The following TBC1D31 variants were observed in gnomAD, a reference collection of about 807,000 sequenced individuals.
The protein encoded by TBC1D31 is WD repeat domain 67.
In TBC1D31, 99 loss-of-function variants were observed where a neutral mutation model predicts 132.9. That is an observed-to-expected ratio of 0.74 (90% confidence interval 0.63 to 0.88). The LOEUF is 0.88. TBC1D31 is among the 40% of genes least tolerant of loss of function. The probability of loss-of-function intolerance (pLI) is 0.00; values close to 1 mark genes in which losing one functional copy is unlikely to be tolerated. For synonymous variants in TBC1D31, 385 were observed against 419.4 expected, an observed-to-expected ratio of 0.92 and a Z score of 1.00; for missense variants, 1,134 against 1,256.6, an observed-to-expected ratio of 0.90 and a Z score of 1.48.
At chr8:123,161,046 G>A in the TBC1D31 span, among the ~76,000 whole-genome samples, 30 of 152,262 alleles carry the variant, frequency 2.0e-4, no homozygotes, top group African/African-American at 6.7e-4. Context: ...AGGGAGTGGG[G>A]CCGCGCAGGG....
At chr8:123,109,208 C>A in intron 8 of TBC1D31, 109 bp from the exon 9 acceptor site, 1 of 727,008 alleles carries the variant, frequency 1.4e-6, no homozygotes, top group Non-Finnish European at 2.3e-6. Flanking sequence ...ATATGTCTTA[C>A]TATGTGTTGT....
At chr8:123,153,234 C>T (rs769885040), downstream of TBC1D31, among the ~76,000 whole-genome samples, 12 of 152,134 alleles carry the variant, frequency 7.9e-5, no homozygotes, top group Non-Finnish European at 1.6e-4. Context: ...GAATTGCCTG[C>T]TCACCGGAAA....
At chr8:123,091,762 G>A (rs892126338) in intron 4 of TBC1D31, among the ~76,000 whole-genome samples, 1 of 152,084 alleles carries the variant, frequency 6.6e-6, no homozygotes, top group South Asian at 2.1e-4. Context: ...GAAAATATTG[G>A]TTAATTTCCG....
At chr8:123,147,536 A>G (rs993999234) in intron 20 of TBC1D31, among the ~76,000 whole-genome samples, 7 of 152,214 alleles carry the variant, frequency 4.6e-5, no homozygotes, top group Non-Finnish European at 7.3e-5. Flanking sequence ...AAATAGAGAA[A>G]GGTAAGAAAC....
chr8:123,091,284 GCTAAAATAGC>G (rs1458399722), intron 4 of TBC1D31, among the ~76,000 whole-genome samples: 1 of 152,082 alleles, frequency 6.6e-6, no homozygotes, highest in Non-Finnish European at 1.5e-5. Context: ...CAGTTATTCT[GCTAAAATAGC>G]AGTTGATGCT....
intron 10 of TBC1D31, among the ~76,000 whole-genome samples, chr8:123,118,909 A>G (rs372954457): frequency 1.1e-3 from 160 of 152,252 alleles, no homozygotes; most frequent in African/African-American, 3.1e-3. Flanking sequence ...AATTTTTTGT[A>G]GAGATGAGGT....
chr8:123,101,198 T>C, intron 7 of TBC1D31, 191 bp downstream of exon 7: 1 of 485,154 alleles, frequency 2.1e-6, no homozygotes, highest in South Asian at 2.3e-5. Context: ...CATTCTTAAA[T>C]TGCTGCCTTC....
In TBC1D31 at chr8:123,109,503, T is replaced by C; in HGVS notation, c.1319T>C (p.Leu440Pro). The C allele has an allele frequency of 1.2e-6, 2 of 1,613,888 alleles. No individual in the cohort carries two copies. The highest frequency in any genetic ancestry group is 1.3e-5 in the African/African-American group (1 of 75,030). The stretch of plus-strand genomic sequence containing the variant: ...TTCATTTGGCGCTCTCTGCTACAAC[T>C]GCCTGAAAATCATACTGCGTTTAGT... Reference protein sequence around the residue: ...RMFIWRSLLQLPENHTAFSTL... With the variant: ...RMFIWRSLLQPPENHTAFSTL... The change falls in exon 10 of 22, where the codon CTG (leucine) becomes CCG (proline). Residue 440 changes from leucine (L) to proline (P), a missense_variant. Transcript: ENST00000287380.
downstream of TBC1D31, among the ~76,000 whole-genome samples, chr8:123,156,474 T>C (rs567427986): frequency 4.0e-5 from 6 of 150,030 alleles, no homozygotes; most frequent in African/African-American, 1.2e-4. Context: ...CCCAGGGAAA[T>C]TGAAGAGACT....
intron 10 of TBC1D31, among the ~76,000 whole-genome samples, chr8:123,113,925 C>T (rs1219204527): frequency 2.6e-5 from 4 of 151,888 alleles, no homozygotes; most frequent in African/African-American, 9.7e-5. Flanking sequence ...TTTTCTGCTA[C>T]AAAAATGGAT....
intron 4 of TBC1D31, among the ~76,000 whole-genome samples, chr8:123,087,012 C>G (rs1205599322): frequency 6.6e-6 from 1 of 152,232 alleles, no homozygotes; most frequent in East Asian, 1.9e-4. Context: ...CCACCATGCC[C>G]AGCCTGGGCA....
chr8:123,150,656 T>G (rs1822679693), intron 21 of TBC1D31, among the ~76,000 whole-genome samples: 1 of 152,240 alleles, frequency 6.6e-6, no homozygotes, highest in Non-Finnish European at 1.5e-5. Flanking sequence ...ATGAGCTGAC[T>G]TTTGATCCCT....
At chr8:123,145,260 A>G (rs930294119) in intron 20 of TBC1D31, among the ~76,000 whole-genome samples, 30 of 152,154 alleles carry the variant, frequency 2.0e-4, no homozygotes, top group African/African-American at 6.5e-4. Flanking sequence ...TGGCACTTCT[A>G]TTCAATCTAC....
At chr8:123,089,251 A>T (rs1291933461) in intron 4 of TBC1D31, among the ~76,000 whole-genome samples, 1 of 152,222 alleles carries the variant, frequency 6.6e-6, no homozygotes, top group Non-Finnish European at 1.5e-5. Context: ...AGCATTTTGC[A>T]TAAGGAATAC....
chr8:123,161,002 T>C, the TBC1D31 span, among the ~76,000 whole-genome samples: 1 of 151,616 alleles, frequency 6.6e-6, no homozygotes, highest in Non-Finnish European at 1.5e-5. Flanking sequence ...GGAACGAGGG[T>C]GGTCAGGGTC....
intron 5 of TBC1D31, among the ~76,000 whole-genome samples, chr8:123,096,304 G>A (rs948063567): frequency 1.7e-4 from 26 of 151,780 alleles, no homozygotes; most frequent in Admixed American, 6.6e-4. Flanking sequence ...AGCCACATCC[G>A]AGTATAGCAG....
At chr8:123,108,405 A>C (rs1021756922) in intron 8 of TBC1D31, among the ~76,000 whole-genome samples, 3 of 152,182 alleles carry the variant, frequency 2.0e-5, no homozygotes, top group Non-Finnish European at 4.4e-5. Flanking sequence ...GCAGGAGCTG[A>C]TGTCTGTTAG....
At chr8:123,112,652 G>A (rs995788659) in intron 10 of TBC1D31, among the ~76,000 whole-genome samples, 7 of 152,012 alleles carry the variant, frequency 4.6e-5, no homozygotes, top group African/African-American at 1.7e-4. Context: ...TCAATCTTCT[G>A]CTGTCACAAG....
At chr8:123,136,755 TGA>T (rs1313997548) in intron 17 of TBC1D31, among the ~76,000 whole-genome samples, 1 of 152,222 alleles carries the variant, frequency 6.6e-6, no homozygotes, top group Non-Finnish European at 1.5e-5. Context: ...CAGCCTATGC[TGA>T]GTTTTTTTTC....
Sources: allele counts gnomAD v4.1 joint callset (sites outside exome capture counted in the v4.1 genomes callset), GRCh38; gene constraint gnomAD v4.1.1; transcripts MANE v1.5; gene names NCBI Gene and HGNC (gene_info 2026-07-23, HGNC 2026-07-21).